EOGT: variants seen among roughly 807,000 people sequenced by gnomAD.
EOGT encodes EGF domain specific O-linked N-acetylglucosamine transferase.
Under a neutral mutation model 70.5 loss-of-function variants are expected in EOGT, and 55 were observed. The ratio of observed to expected loss-of-function variants is 0.78; its 90% CI spans 0.63 to 0.98. The LOEUF is 0.98. EOGT is among the 50% of genes least tolerant of loss of function. The pLI is 0.00. For missense variants in EOGT, 703 were observed against 641.9 expected, an observed-to-expected ratio of 1.10 and a Z score of -1.03; for synonymous variants, 246 against 217.1, an observed-to-expected ratio of 1.13 and a Z score of -1.17.
Position 68,977,561 on chromosome 3 carries a change from TAA to T in EOGT, c.*55_*56del. On this transcript the variant is annotated 3_prime_UTR_variant, in exon 18 of 18. Coordinates refer to ENST00000383701, the MANE Select transcript of EOGT (RefSeq NM_001278689.2). ...ACAGATTGCTTTACTGATTTAATTC[TAA>T]GTCTGGGTGTTGGAGTGTTTAAACA... 6.4e-7 allele frequency: 1 copy of T among 1,566,688 alleles called. No homozygotes were observed. The highest frequency in any genetic ancestry group is 8.7e-7 in the Non-Finnish European group (1 of 1,147,704).
chr3:69,006,173 G>A (rs1029692859), intron 6 of EOGT, among the ~76,000 whole-genome samples: 3 of 152,166 alleles, frequency 2.0e-5, no homozygotes, highest in African/African-American at 4.8e-5. Flanking sequence ...CCTTGAAAGA[G>A]GAGTGCAAGA....
At chr3:69,011,209 G>C (rs373166867) in intron 3 of EOGT, among the ~76,000 whole-genome samples, 1 of 6,738 alleles carries the variant, frequency 1.5e-4, no homozygotes, top group Non-Finnish European at 4.3e-4. Flanking sequence ...TTTTTTTTAA[G>C]TGCTCTTTCC....
intron 9 of EOGT, among the ~76,000 whole-genome samples, chr3:68,999,129 G>C (rs928054855): frequency 2.0e-5 from 3 of 152,202 alleles, no homozygotes; most frequent in African/African-American, 4.8e-5. Flanking sequence ...AAGTCCCTAA[G>C]CTTTAGCTTC....
Position 69,013,658 on chromosome 3 carries a change from T to A in EOGT, c.-440A>T, listed in dbSNP as rs909944284. 2 of 152,648 alleles carry A rather than the reference T, an allele frequency of 1.3e-5. No homozygotes were observed. Among genetic ancestry groups the A allele is most frequent in the Non-Finnish European group, 2.9e-5 (2 of 68,470 alleles). 9.5% of individuals were successfully genotyped at this position (152,648 alleles called of 1,614,324 possible). A position where few individuals can be genotyped will look rare whatever the true frequency, so the allele number is the denominator to read the frequency against. On this transcript the variant is annotated 5_prime_UTR_variant, in exon 1 of 18. Transcript: ENST00000383701. ...AGAGGAGGGAGTCGTCATAACCGGC[T>A]ACTGCCGCTCACCGGAAACCTCGGG...
intron 15 of EOGT, among the ~76,000 whole-genome samples, chr3:68,981,666 G>C (rs1309543638): frequency 6.6e-6 from 1 of 152,098 alleles, no homozygotes; most frequent in East Asian, 1.9e-4. Context: ...AAGCCTTTTA[G>C]TTGTGTTAAG....
rs2090464456 is a variant in EOGT at position 68,976,017 on chromosome 3, C to T, written c.*1601G>A. 6.6e-6 allele frequency: 1 copy of T among 152,314 alleles called. No individual in the cohort carries two copies. The highest frequency in any genetic ancestry group is 1.5e-5 in the Non-Finnish European group (1 of 68,026). 9.4% of individuals were successfully genotyped at this position (152,314 alleles called of 1,614,324 possible). A position where few individuals can be genotyped will look rare whatever the true frequency, so the allele number is the denominator to read the frequency against. On this transcript the variant is annotated 3_prime_UTR_variant, in exon 18 of 18. Coordinates refer to ENST00000383701, the MANE Select transcript of EOGT (RefSeq NM_001278689.2). Reference sequence around the variant, plus strand: ...TACTCAAGTGTTAATAAAATGTAAACTTCACATTGTGCAGTAAAATAAATC... The same window carrying T: ...TACTCAAGTGTTAATAAAATGTAAATTTCACATTGTGCAGTAAAATAAATC...
chr3:68,987,483 G>T lies in EOGT; in HGVS notation c.1114C>A (p.Arg372=). 4 of 1,613,578 alleles carry T rather than the reference G, an allele frequency of 2.5e-6. No homozygotes were observed. The highest frequency in any genetic ancestry group is 1.3e-5 in the African/African-American group (1 of 74,952). ...AGGATTTTCCGGTATTCTGTGCTCC[G>T]TGCAAGAATGGTGACTCGAATTTTT... is the stretch of plus-strand genomic sequence containing the variant. ...DGKIRVTILA[R]STEYRKILNQ... Residue 372 remains arginine (R), a synonymous_variant, in exon 14 of 18, where the codon CGG becomes AGG. Coordinates refer to ENST00000383701, the MANE Select transcript of EOGT (RefSeq NM_001278689.2).
At chr3:69,002,418 T>C (rs1221927433) in intron 8 of EOGT, among the ~76,000 whole-genome samples, 1 of 152,160 alleles carries the variant, frequency 6.6e-6, no homozygotes, top group East Asian at 1.9e-4. Context: ...AAGCAACTAA[T>C]ACAATTATGC....
chr3:68,993,724 G>C (rs529774331), intron 10 of EOGT, among the ~76,000 whole-genome samples: 5 of 152,118 alleles, frequency 3.3e-5, no homozygotes, highest in Admixed American at 6.6e-5. Context: ...CCCGAGACTG[G>C]GAAGAAAAAG....
intron 8 of EOGT, among the ~76,000 whole-genome samples, chr3:69,003,808 G>A (rs971146402): frequency 1.3e-5 from 2 of 152,172 alleles, no homozygotes; most frequent in Non-Finnish European, 2.9e-5. Context: ...AGTTACATGG[G>A]TGGGTTCACT....
chr3:68,995,202 C>T lies in EOGT; in HGVS notation c.831+2809G>A, dbSNP rs558006564. On this transcript the variant is annotated intron_variant, in intron 10 of 17. Coordinates refer to ENST00000383701, the MANE Select transcript of EOGT (RefSeq NM_001278689.2). The stretch of plus-strand genomic sequence containing the variant: ...AGGGATTCATGTCATAGTCAGCCTG[C>T]AGGTCACAGTGATGCTTAATTTAAG... 3.9e-5 allele frequency among the ~76,000 whole-genome samples: 6 copies of T among 152,308 alleles called. No individual in the cohort carries two copies. In the South Asian group the frequency reaches 1.0e-3, roughly 26 times the overall value.
At chr3:69,003,507 T>C (rs2091355426) in intron 8 of EOGT, among the ~76,000 whole-genome samples, 1 of 152,196 alleles carries the variant, frequency 6.6e-6, no homozygotes, top group Non-Finnish European at 1.5e-5. Flanking sequence ...AGACGTGCCT[T>C]TGTTCCTCCT....
At chr3:68,998,198 G>T in intron 9 of EOGT, 84 bp from the exon 10 acceptor site, 1 of 747,688 alleles carries the variant, frequency 1.3e-6, no homozygotes, top group Non-Finnish European at 2.2e-6. Context: ...TCTATTTACA[G>T]TTTAAGAGAA....
At chr3:68,990,596 CGCCTACCACG>C (rs1328575246) in intron 10 of EOGT, among the ~76,000 whole-genome samples, 1 of 152,090 alleles carries the variant, frequency 6.6e-6, no homozygotes, top group Admixed American at 6.5e-5. Context: ...TCAAGTGCTC[CGCCTACCACG>C]GCCTCCTAAA....
At chr3:68,980,272 T>A (rs1323274119) in intron 15 of EOGT, among the ~76,000 whole-genome samples, 1 of 152,214 alleles carries the variant, frequency 6.6e-6, no homozygotes, top group African/African-American at 2.4e-5. Flanking sequence ...ATAGAAGCAC[T>A]TTTTAAAAAG....
intron 9 of EOGT, 27 bp downstream of exon 9, chr3:69,001,581 C>G (rs2091293531): frequency 7.0e-7 from 1 of 1,434,402 alleles, no homozygotes; most frequent in African/African-American, 1.4e-5. Context: ...AACAAATACA[C>G]AAATAACAGA....
intron 14 of EOGT, among the ~76,000 whole-genome samples, chr3:68,984,824 T>C (rs2090758280): frequency 1.3e-5 from 2 of 152,340 alleles, no homozygotes; most frequent in Admixed American, 1.3e-4. Context: ...CTGATGTTGT[T>C]CCTCAGCCTG....
chr3:68,997,848 TG>T (rs2091193077), intron 10 of EOGT, among the ~76,000 whole-genome samples, 162 bp downstream of exon 10: 1 of 152,234 alleles, frequency 6.6e-6, no homozygotes, highest in Non-Finnish European at 1.5e-5. Flanking sequence ...TATATGCACA[TG>T]TCAACACATA....
At position 68,988,338 on chromosome 3, in the gene EOGT, T is replaced by C; in HGVS notation, c.1040A>G (p.Gln347Arg). 1 of 1,536,136 alleles carries C rather than the reference T, an allele frequency of 6.5e-7. No individual in the cohort carries two copies. Among genetic ancestry groups the C allele is most frequent in the Non-Finnish European group, 8.7e-7 (1 of 1,146,864 alleles). Reference sequence around the variant, plus strand: ...GATGTTTAGTCTGTGTAGTACATGCTGGGCAAATGCCCTGAATAGTCCAGT... The same window carrying C: ...GATGTTTAGTCTGTGTAGTACATGCCGGGCAAATGCCCTGAATAGTCCAGT... Reference protein sequence around the residue: ...QNTGLFRAFAQHVLHRLNITQ... With the variant: ...QNTGLFRAFARHVLHRLNITQ... Residue 347 changes from glutamine to arginine, a missense_variant, in exon 13 of 18, where the codon CAG (glutamine) becomes CGG (arginine). Coordinates refer to ENST00000383701, the MANE Select transcript of EOGT (RefSeq NM_001278689.2).
Sources: gnomAD v4.1 joint callset for allele counts (sites outside exome capture counted in the v4.1 genomes callset) on GRCh38, gnomAD v4.1.1 for gene constraint, MANE v1.5 for transcripts, NCBI Gene and HGNC (gene_info 2026-07-23, HGNC 2026-07-21) for gene names.